Variants in COMMD1 observed in about 807,000 individuals in gnomAD.
The protein encoded by COMMD1 is copper metabolism domain containing 1, also known as COMM domain-containing protein 1.
COMMD1 carries 10 observed loss-of-function variants against 17.2 expected under a neutral mutation model. The observed-to-expected ratio is 0.58, with a 90% CI of 0.36 to 0.99. The LOEUF is 0.99. Ranked by LOEUF, COMMD1 falls within the 50% of genes least tolerant of loss-of-function variation. The pLI, the probability that COMMD1 is intolerant of heterozygous loss-of-function variation, is 0.01. For synonymous variants in COMMD1, 97 were observed against 91.6 expected (o/e 1.06, Z -0.34); for missense variants, 270 against 231.8 (o/e 1.17, Z -1.07).
rs117094642 is a variant in COMMD1, at chr2:61,994,822, A to G, written c.181-5879A>G. On this transcript the variant is annotated intron_variant, in intron 1 of 2. Coordinates refer to ENST00000311832, the MANE Select transcript of COMMD1 (RefSeq NM_152516.4). ...TCCAGCCTCATGTCCTTCTTATACT[A>G]TGACCCAAAAAGACAAGATCATTTC... Among the ~76,000 whole-genome samples, 16 of 152,304 alleles carry G rather than the reference A, an allele frequency of 1.1e-4. No homozygotes were observed. In the East Asian group the frequency reaches 2.9e-3, roughly 28 times the overall value.
At chr2:62,097,960 C>A (rs1044529782) in intron 2 of COMMD1, among the ~76,000 whole-genome samples, 6 of 152,044 alleles carry the variant, frequency 3.9e-5, no homozygotes, top group African/African-American at 1.2e-4. Flanking sequence ...GGCCCTTTGC[C>A]CCCTTTGTGC....
intron 1 of COMMD1, among the ~76,000 whole-genome samples, chr2:61,913,444 G>A (rs374045791): frequency 1.1e-4 from 16 of 151,362 alleles, no homozygotes; most frequent in East Asian, 2.0e-4. Context: ...TTGGGAGGCC[G>A]AGGCAGATGG....
At chr2:62,127,154 G>A (rs1252103543) in intron 2 of COMMD1, among the ~76,000 whole-genome samples, 1 of 152,074 alleles carries the variant, frequency 6.6e-6, no homozygotes, top group African/African-American at 2.4e-5. Context: ...AAATACCTAA[G>A]AGTACAGCTA....
At chr2:62,109,613 T>C (rs902730684) in intron 2 of COMMD1, among the ~76,000 whole-genome samples, 2 of 152,240 alleles carry the variant, frequency 1.3e-5, no homozygotes, top group Non-Finnish European at 2.9e-5. Flanking sequence ...CATGAGGTGA[T>C]AGAATTGGAA....
intron 1 of COMMD1, among the ~76,000 whole-genome samples, chr2:61,996,925 A>G (rs1422979329): frequency 6.6e-6 from 1 of 152,208 alleles, no homozygotes; most frequent in Non-Finnish European, 1.5e-5. Flanking sequence ...ACATTCTTCT[A>G]TGAATCGTGA....
chr2:62,019,769 A>C (rs1558565199), intron 2 of COMMD1, among the ~76,000 whole-genome samples: 1 of 152,220 alleles, frequency 6.6e-6, no homozygotes, highest in East Asian at 1.9e-4. Flanking sequence ...AGATGTATCC[A>C]CTGAAAAGTT....
At chr2:62,008,385 C>T (rs1394118629) in intron 2 of COMMD1, among the ~76,000 whole-genome samples, 2 of 141,022 alleles carry the variant, frequency 1.4e-5, no homozygotes, top group African/African-American at 2.9e-5. Context: ...CACACACACA[C>T]ACACATATAT....
At chr2:61,953,235 C>T (rs1177324986) in intron 1 of COMMD1, among the ~76,000 whole-genome samples, 1 of 152,138 alleles carries the variant, frequency 6.6e-6, no homozygotes, top group African/African-American at 2.4e-5. Flanking sequence ...ATCTCGAACT[C>T]CTGACCTCAG....
intron 2 of COMMD1, among the ~76,000 whole-genome samples, chr2:62,007,272 C>G (rs1669148596): frequency 6.6e-6 from 1 of 151,962 alleles, no homozygotes; most frequent in African/African-American, 2.4e-5. Context: ...TTTTAACCAA[C>G]TCATATGCTC....
In COMMD1 at chr2:62,081,242, T is replaced by TC. The variant is rs1396307686; in HGVS notation, c.463-54588dup. On this transcript the variant is annotated intron_variant, in intron 2 of 2. Coordinates refer to ENST00000311832, the MANE Select transcript of COMMD1 (RefSeq NM_152516.4). Reference sequence around the variant, plus strand: ...TCCCTGAATGTTACCCTCTAGTTTTTCTCAATCTAGATTTTTTTTTTTTTT... The same window carrying TC: ...TCCCTGAATGTTACCCTCTAGTTTTTCCTCAATCTAGATTTTTTTTTTTTTT... 6.6e-5 allele frequency among the ~76,000 whole-genome samples: 10 copies of TC among 151,454 alleles called. No homozygotes were observed. The South Asian group carries it at 2.1e-3, about 32-fold the overall frequency.
At chr2:61,931,304 C>T (rs1670461625) in intron 1 of COMMD1, among the ~76,000 whole-genome samples, 1 of 151,894 alleles carries the variant, frequency 6.6e-6, no homozygotes, top group Admixed American at 6.6e-5. Context: ...AGAGTGAGAC[C>T]TTGTCTCAAA....
intron 2 of COMMD1, among the ~76,000 whole-genome samples, chr2:62,002,492 A>G (rs1431408764): frequency 8.4e-4 from 12 of 14,338 alleles, no homozygotes; most frequent in East Asian, 4.9e-3. Flanking sequence ...ATTCCACCAG[A>G]AAAAAAAAAA....
intron 1 of COMMD1, among the ~76,000 whole-genome samples, chr2:61,990,016 T>G (rs1444196745): frequency 6.6e-6 from 1 of 152,108 alleles, no homozygotes; most frequent in Non-Finnish European, 1.5e-5. Context: ...AAAAGTTAGA[T>G]CTACATCGAA....
intron 1 of COMMD1, among the ~76,000 whole-genome samples, chr2:61,952,503 C>A (rs932095391): frequency 2.6e-5 from 4 of 152,078 alleles, no homozygotes; most frequent in African/African-American, 9.7e-5. Flanking sequence ...ACTCTTGACT[C>A]AGCTGGTCCT....
intron 1 of COMMD1, among the ~76,000 whole-genome samples, chr2:61,917,796 G>T (rs527515127): frequency 6.6e-6 from 1 of 152,336 alleles, no homozygotes; most frequent in South Asian, 2.1e-4. Context: ...TTCCCAAAGT[G>T]CTGGGATTAC....
At chr2:62,026,127 A>G (rs1669749660) in intron 2 of COMMD1, among the ~76,000 whole-genome samples, 1 of 152,084 alleles carries the variant, frequency 6.6e-6, no homozygotes, top group Non-Finnish European at 1.5e-5. Flanking sequence ...CTTTATATAA[A>G]ACTCAGCAAC....
At chr2:62,134,543 A>T (rs867925093) in intron 2 of COMMD1, among the ~76,000 whole-genome samples, 1 of 151,822 alleles carries the variant, frequency 6.6e-6, no homozygotes, top group African/African-American at 2.4e-5. Flanking sequence ...TCCTGCTGCC[A>T]TAACTCAGAG....
chr2:62,019,846 C>T (rs1669564674), intron 2 of COMMD1, among the ~76,000 whole-genome samples: 1 of 152,202 alleles, frequency 6.6e-6, no homozygotes, highest in African/African-American at 2.4e-5. Context: ...AAACAAGTCA[C>T]TCCAGCCCGC....
At chr2:62,060,026 AT>A (rs1670815571) in intron 2 of COMMD1, among the ~76,000 whole-genome samples, 1 of 152,076 alleles carries the variant, frequency 6.6e-6, no homozygotes, top group Admixed American at 6.6e-5. Flanking sequence ...TACAATATAC[AT>A]TCTTAACGTC....
Sources: allele counts gnomAD v4.1 joint callset (sites outside exome capture counted in the v4.1 genomes callset), GRCh38; gene constraint gnomAD v4.1.1; transcripts MANE v1.5; gene names NCBI Gene and HGNC (gene_info 2026-07-23, HGNC 2026-07-21).